The following PATJ variants were observed in gnomAD, a reference collection of about 807,000 sequenced individuals.
The protein encoded by PATJ is PATJ crumbs cell polarity complex component, also known as inaD-like protein.
PATJ carries 190 observed loss-of-function variants against 224.9 expected under a neutral mutation model. The ratio of observed to expected loss-of-function variants is 0.84; its 90% CI spans 0.75 to 0.95. The LOEUF (loss-of-function observed/expected upper bound fraction) is 0.95. Among genes scored for constraint, PATJ ranks in the 40% least tolerant of loss-of-function variants. PATJ has a pLI of 0.00. For synonymous variants in PATJ, 769 were observed against 820.3 expected, an observed-to-expected ratio of 0.94 and a Z score of 1.07; for missense variants, 2,121 against 2,270.3, an observed-to-expected ratio of 0.93 and a Z score of 1.34.
chr1:61,799,660 A>G (rs1299228180), intron 11 of PATJ, among the ~76,000 whole-genome samples: 2 of 152,168 alleles, frequency 1.3e-5, no homozygotes, highest in Non-Finnish European at 2.9e-5. Context: ...TCACTCAAAT[A>G]GTGAACATCA....
intron 26 of PATJ, among the ~76,000 whole-genome samples, chr1:61,926,543 A>C (rs1474493901): frequency 6.6e-6 from 1 of 151,672 alleles, no homozygotes; most frequent in Non-Finnish European, 1.5e-5. Flanking sequence ...TCTTCATTTC[A>C]CTCACTTTTA....
chr1:61,776,238 CCTCTGGAGGG>C (rs1646906845), intron 7 of PATJ, among the ~76,000 whole-genome samples: 2 of 152,190 alleles, frequency 1.3e-5, no homozygotes, highest in African/African-American at 4.8e-5. Flanking sequence ...GGTCTGTGGG[CCTCTGGAGGG>C]CTCTGAGAGC....
intron 42 of PATJ, among the ~76,000 whole-genome samples, chr1:62,148,954 C>T (rs1242991496): frequency 6.6e-6 from 1 of 151,924 alleles, no homozygotes; most frequent in Non-Finnish European, 1.5e-5. Flanking sequence ...TGATGAAACC[C>T]TGTCTCTATT....
intron 27 of PATJ, among the ~76,000 whole-genome samples, chr1:61,968,365 T>C (rs17385742): frequency 0.13 from 20,379 of 152,218 alleles, 1,852 homozygotes; most frequent in Middle Eastern, 0.22. Context: ...TAGCCGTAAA[T>C]ACCTTTTCAA....
At chr1:62,085,114 T>C (rs748101023) in intron 33 of PATJ, among the ~76,000 whole-genome samples, 1 of 152,040 alleles carries the variant, frequency 6.6e-6, no homozygotes, top group Non-Finnish European at 1.5e-5. Context: ...ATACAAAAAT[T>C]AGCTGGGCAT....
intron 1 of PATJ, among the ~76,000 whole-genome samples, chr1:61,747,051 C>T (rs1376860627): frequency 6.6e-6 from 1 of 152,134 alleles, no homozygotes; most frequent in Non-Finnish European, 1.5e-5. Flanking sequence ...TAAAGTTTAA[C>T]AAGAATATAT....
rs148646810 is a variant in PATJ, at chr1:61,822,691, G to C, written c.1684-254G>C. Among the ~76,000 whole-genome samples the C allele has an allele frequency of 2.0e-5, 3 of 152,314 alleles. No homozygotes were observed. In the East Asian group the frequency reaches 5.8e-4, roughly 29 times the overall value. On this transcript the variant is annotated intron_variant, in intron 14 of 43. Transcript: ENST00000642238. ...GGAAGTGTGGACTGCCTGGAGCTTA[G>C]AATTGAAGGTAAGACTGTATACATC...
chr1:61,892,021 C>G (rs1470871498), intron 22 of PATJ, among the ~76,000 whole-genome samples: 1 of 152,116 alleles, frequency 6.6e-6, no homozygotes, highest in Non-Finnish European at 1.5e-5. Context: ...TTACTCAAGA[C>G]AATGTCTGAA....
intron 33 of PATJ, among the ~76,000 whole-genome samples, chr1:62,100,610 G>A (rs1157043856): frequency 6.6e-6 from 1 of 152,180 alleles, no homozygotes; most frequent in Non-Finnish European, 1.5e-5. Flanking sequence ...CATACAATTG[G>A]TTTTGGTTGG....
intron 27 of PATJ, among the ~76,000 whole-genome samples, chr1:61,963,482 G>C (rs932348441): frequency 6.6e-6 from 1 of 152,000 alleles, no homozygotes; most frequent in Admixed American, 6.6e-5. Flanking sequence ...TGTAGTCCTA[G>C]TTACTCAGGA....
intron 18 of PATJ, among the ~76,000 whole-genome samples, chr1:61,859,385 G>A (rs569208741): frequency 2.6e-5 from 4 of 152,172 alleles, no homozygotes; most frequent in Non-Finnish European, 5.9e-5. Context: ...GGCCAATGAA[G>A]GGATTGAGAG....
At chr1:62,013,324 AT>A (rs958995802) in intron 28 of PATJ, 2,406 of 840,192 alleles carry the variant, frequency 2.9e-3, no homozygotes, top group Non-Finnish European at 3.1e-3. Context: ...GATCAAAACC[AT>A]TTTTTTTTTA....
chr1:61,746,151 A>C (rs1645015803), intron 1 of PATJ, among the ~76,000 whole-genome samples: 1 of 152,020 alleles, frequency 6.6e-6, no homozygotes, highest in Non-Finnish European at 1.5e-5. Context: ...CATGTTGGCC[A>C]GGCTGGTCTC....
chr1:61,914,702 G>C (rs920304022), intron 26 of PATJ, 38 bp downstream of exon 26: 4 of 1,369,974 alleles, frequency 2.9e-6, no homozygotes, highest in Admixed American at 1.9e-5. Flanking sequence ...AAATGTTTTT[G>C]TTTTGTTTTT....
chr1:61,964,229 GCACCAC>G (rs1214877092), intron 27 of PATJ, among the ~76,000 whole-genome samples: 1 of 151,728 alleles, frequency 6.6e-6, no homozygotes, highest in Non-Finnish European at 1.5e-5. Context: ...TTACAGGCGT[GCACCAC>G]CATGCCCAGT....
intron 41 of PATJ, 84 bp from the exon 42 acceptor site, chr1:62,148,200 G>T: frequency 1.0e-5 from 8 of 768,330 alleles, no homozygotes; most frequent in South Asian, 2.9e-5. Context: ...GATTAGGATT[G>T]AGAACTGACC....
chr1:62,029,929 C>T (rs1370579221), intron 29 of PATJ, among the ~76,000 whole-genome samples: 3 of 152,120 alleles, frequency 2.0e-5, no homozygotes, highest in African/African-American at 7.2e-5. Flanking sequence ...AACAAACATC[C>T]ATAGAGGGAA....
chr1:61,968,335 G>A (rs1406345188), intron 27 of PATJ, among the ~76,000 whole-genome samples: 1 of 152,134 alleles, frequency 6.6e-6, no homozygotes, highest in Admixed American at 6.5e-5. Flanking sequence ...TTCGGCAAAT[G>A]CAGAGCTTGA....
At chr1:61,828,475 G>A (rs893049779) in intron 16 of PATJ, among the ~76,000 whole-genome samples, 31 of 149,600 alleles carry the variant, frequency 2.1e-4, no homozygotes, top group Admixed American at 1.3e-3. Context: ...CTGTAGCCTC[G>A]ACCTTCTGGG....
Sources: allele counts gnomAD v4.1 joint callset (sites outside exome capture counted in the v4.1 genomes callset), GRCh38; gene constraint gnomAD v4.1.1; transcripts MANE v1.5; gene names NCBI Gene and HGNC (gene_info 2026-07-23, HGNC 2026-07-21).